MDGA2: variants seen among roughly 807,000 people sequenced by gnomAD.
MDGA2 encodes the protein MAM domain containing glycosylphosphatidylinositol anchor 2, also known as MAM domain-containing glycosylphosphatidylinositol anchor protein 2.
MDGA2 carries 40 observed loss-of-function variants against 117.8 expected under a neutral mutation model. The observed-to-expected ratio is 0.34, with a 90% CI of 0.26 to 0.44. The LOEUF is 0.44. Ranked by LOEUF, MDGA2 falls within the 20% of genes least tolerant of loss-of-function variation. The pLI, the probability that MDGA2 is intolerant of heterozygous loss-of-function variation, is 1.00. For missense variants in MDGA2, 1,123 were observed against 1,250.6 expected (o/e 0.90, Z 1.54); for synonymous variants, 452 against 439.0 (o/e 1.03, Z -0.37).
intron 3 of MDGA2, among the ~76,000 whole-genome samples, chr14:47,172,893 A>G (rs1224703885): frequency 6.6e-6 from 1 of 152,164 alleles, no homozygotes; most frequent in Non-Finnish European, 1.5e-5. Context: ...AGAAGTTAAA[A>G]ACTTCGAAAA....
intron 3 of MDGA2, among the ~76,000 whole-genome samples, chr14:47,155,241 C>G (rs1349456405): frequency 2.6e-5 from 4 of 152,108 alleles, no homozygotes; most frequent in Non-Finnish European, 5.9e-5. Context: ...GTCCTTGTAC[C>G]TCATGCTCAC....
intron 8 of MDGA2, among the ~76,000 whole-genome samples, chr14:46,999,059 T>C (rs1223219819): frequency 6.6e-6 from 1 of 152,102 alleles, no homozygotes; most frequent in Non-Finnish European, 1.5e-5. Context: ...AAAAATATTA[T>C]CTCTGGCATA....
chr14:47,639,995 G>A (rs1327826495), intron 1 of MDGA2, among the ~76,000 whole-genome samples: 2 of 152,172 alleles, frequency 1.3e-5, no homozygotes, highest in Non-Finnish European at 2.9e-5. Context: ...TATATCTGCT[G>A]AATGAATGAG....
intron 8 of MDGA2, among the ~76,000 whole-genome samples, chr14:46,969,884 GT>G (rs1482823304): frequency 2.8e-5 from 4 of 144,026 alleles, no homozygotes; most frequent in Admixed American, 1.5e-4. Flanking sequence ...GTATACCTAT[GT>G]TAAAAACCTG....
At chr14:47,022,444 T>C (rs1239660864) in intron 8 of MDGA2, among the ~76,000 whole-genome samples, 1 of 152,178 alleles carries the variant, frequency 6.6e-6, no homozygotes, top group African/African-American at 2.4e-5. Flanking sequence ...AATTCACCAA[T>C]GTATGCACTT....
At chr14:47,613,466 C>CTG (rs1176531489) in intron 1 of MDGA2, among the ~76,000 whole-genome samples, 2 of 104,866 alleles carry the variant, frequency 1.9e-5, no homozygotes, top group Admixed American at 1.1e-4. Context: ...TTATCTCTCT[C>CTG]TCTCTCTCTC....
rs1595053735 is a variant in MDGA2, at chr14:46,933,533, C to T, written c.2090-13373G>A. ...AAGTGTTTAATAAATGTTAATCTCC[C>T]ACTACACTTCCCTTGCCACCCCAAC... On this transcript the variant is annotated intron_variant, in intron 9 of 16. Coordinates refer to ENST00000399232, the MANE Select transcript of MDGA2 (RefSeq NM_001113498.3). Among the ~76,000 whole-genome samples, 3 of 151,392 alleles carry T rather than the reference C, an allele frequency of 2.0e-5. No homozygotes were observed. The South Asian group carries it at 6.2e-4, about 31-fold the overall frequency.
chr14:47,398,216 T>G (rs1892057235), intron 1 of MDGA2, among the ~76,000 whole-genome samples: 1 of 152,164 alleles, frequency 6.6e-6, no homozygotes, highest in South Asian at 2.1e-4. Flanking sequence ...TATAGAACTA[T>G]AGCTTAAATA....
At chr14:47,144,410 C>T in intron 3 of MDGA2, 136 bp from the exon 4 acceptor site, 1 of 572,034 alleles carries the variant, frequency 1.7e-6, no homozygotes, top group Non-Finnish European at 3.0e-6. Flanking sequence ...CTTTTTTTCA[C>T]TCAGCTTATT....
chr14:47,299,810 G>A (rs2139807234), intron 2 of MDGA2, among the ~76,000 whole-genome samples: 1 of 152,052 alleles, frequency 6.6e-6, no homozygotes, highest in South Asian at 2.1e-4. Context: ...GGCTCAAATT[G>A]TGTTTCTCTA....
intron 9 of MDGA2, among the ~76,000 whole-genome samples, chr14:46,954,771 A>G (rs11848743): frequency 0.28 from 42,848 of 151,968 alleles, 7,235 homozygotes; most frequent in African/African-American, 0.47. Flanking sequence ...GGATTAGAAC[A>G]TAGACTTATC....
chr14:47,121,523 C>A (rs1881651980), intron 5 of MDGA2, among the ~76,000 whole-genome samples: 3 of 151,942 alleles, frequency 2.0e-5, no homozygotes, highest in Admixed American at 1.3e-4. Context: ...ATCATTGATA[C>A]TTTTCACTAA....
chr14:47,577,765 AAAC>A (rs767365276), intron 1 of MDGA2, among the ~76,000 whole-genome samples: 12 of 152,218 alleles, frequency 7.9e-5, no homozygotes, highest in Non-Finnish European at 1.6e-4. Context: ...AAAATTCAAT[AAAC>A]AATAGATGCT....
intron 1 of MDGA2, among the ~76,000 whole-genome samples, chr14:47,519,374 CAT>C (rs1227493258): frequency 1.3e-5 from 2 of 152,132 alleles, no homozygotes; most frequent in African/African-American, 4.8e-5. Context: ...GGAAGGTCCA[CAT>C]GTCTTAAGTC....
chr14:46,849,286 T>C (rs1880967453), intron 15 of MDGA2, among the ~76,000 whole-genome samples: 1 of 151,956 alleles, frequency 6.6e-6, no homozygotes, highest in African/African-American at 2.4e-5. Flanking sequence ...TGTAGCATGT[T>C]TATTTGTTTC....
In MDGA2 at chr14:47,256,072, C is replaced by A. The variant is rs188435587; in HGVS notation, c.421-37877G>T. Among the ~76,000 whole-genome samples the A allele has an allele frequency of 2.4e-3, 369 of 151,630 alleles. 2 individuals carry two copies. Among genetic ancestry groups the A allele is most frequent in the African/African-American group, 8.3e-3 (342 of 41,310 alleles). On this transcript the variant is annotated intron_variant, in intron 2 of 16. Transcript: ENST00000399232. ...TCAAAGTTTGGGTTATTTTAATGGG[C>A]CTTTTTTGGTTTTAAATCAAATTTC...
intron 2 of MDGA2, among the ~76,000 whole-genome samples, chr14:47,245,267 G>A (rs1321385204): frequency 6.6e-6 from 1 of 151,806 alleles, no homozygotes; most frequent in East Asian, 1.9e-4. Context: ...GAGGTCAAGA[G>A]ATCCTCCCCT....
chr14:47,161,927 C>CTTTTTTTT (rs71112489), intron 3 of MDGA2, among the ~76,000 whole-genome samples: 5 of 52,510 alleles, frequency 9.5e-5, no homozygotes, highest in African/African-American at 1.6e-4. Flanking sequence ...TCCCCAGATC[C>CTTTTTTTT]TTTTTTTTTT....
chr14:46,859,484 T>C (rs1335033357), intron 14 of MDGA2, among the ~76,000 whole-genome samples: 1 of 152,148 alleles, frequency 6.6e-6, no homozygotes, highest in Non-Finnish European at 1.5e-5. Context: ...AATTGTACAG[T>C]ACACTAATCT....
Sources: gnomAD v4.1 joint callset for allele counts (sites outside exome capture counted in the v4.1 genomes callset) on GRCh38, gnomAD v4.1.1 for gene constraint, MANE v1.5 for transcripts, NCBI Gene and HGNC (gene_info 2026-07-23, HGNC 2026-07-21) for gene names.